Variants in PPP2R1A observed in about 807,000 individuals in gnomAD.
PPP2R1A encodes the protein protein phosphatase 2 scaffold subunit Aalpha.
A neutral mutation model predicts 67.1 loss-of-function variants in PPP2R1A; 15 were observed. The observed-to-expected ratio is 0.22, with a 90% CI of 0.15 to 0.34. The LOEUF is 0.34. Among genes scored for constraint, PPP2R1A ranks in the 10% least tolerant of loss-of-function variants. PPP2R1A has a pLI of 1.00. For synonymous variants in PPP2R1A, 337 were observed against 325.0 expected (o/e 1.04, Z -0.40); for missense variants, 369 against 775.0 (o/e 0.48, Z 6.22).
In PPP2R1A at chr19:52,221,128, A is replaced by G. The variant is rs754810094; in HGVS notation, c.1513A>G (p.Ile505Val). The G allele has an allele frequency of 3.7e-6, 6 of 1,614,072 alleles. No homozygotes were observed. The Admixed American group carries it at 8.3e-5, about 22-fold the overall frequency. ...YLHRMTTLFC[I>V]NVLSEVCGQD... ...GCACCGCATGACTACGCTCTTCTGC[A>G]TCAATGTGAGCCTTCCACCTGCCTG... The change falls in exon 12 of 15, where the codon ATC becomes GTC. Residue 505 changes from isoleucine (I) to valine (V), a missense_variant. Around this residue, in one of 2 missense-constraint regions of PPP2R1A, gnomAD observed 276 missense variants for 508.4 expected, o/e 0.54. Coordinates refer to ENST00000322088, the MANE Select transcript of PPP2R1A (RefSeq NM_014225.6).
chr19:52,192,881 C>T (rs1204521315), intron 1 of PPP2R1A, among the ~76,000 whole-genome samples: 1 of 152,176 alleles, frequency 6.6e-6, no homozygotes, highest in Non-Finnish European at 1.5e-5. Flanking sequence ...GCGAGGTGTT[C>T]ATCTGTCTGG....
intron 1 of PPP2R1A, among the ~76,000 whole-genome samples, chr19:52,192,594 G>A (rs1343662757): frequency 6.6e-6 from 1 of 152,094 alleles, no homozygotes; most frequent in Admixed American, 6.6e-5. Context: ...AATTACAGGC[G>A]TGAGCCACTA....
intron 1 of PPP2R1A, chr19:52,190,969 C>G (rs2089448929): frequency 6.6e-6 from 1 of 152,264 alleles, no homozygotes; most frequent in African/African-American, 2.4e-5. Context: ...AAACCATCCT[C>G]GCCCCTCAGC....
At chr19:52,222,695 G>A (rs1269992821) in intron 13 of PPP2R1A, among the ~76,000 whole-genome samples, 3 of 152,222 alleles carry the variant, frequency 2.0e-5, no homozygotes, top group Non-Finnish European at 4.4e-5. Flanking sequence ...GGCCAACATG[G>A]CGAAACCCCG....
chr19:52,225,910 T>C (rs1979230420), intron 14 of PPP2R1A, 55 bp from the exon 15 acceptor site: 2 of 1,614,044 alleles, frequency 1.2e-6, no homozygotes, highest in Middle Eastern at 1.7e-4. Context: ...TACCTTGGCA[T>C]TGTGGGCAGA....
chr19:52,195,110 A>G (rs2089486366), intron 1 of PPP2R1A, among the ~76,000 whole-genome samples: 1 of 152,182 alleles, frequency 6.6e-6, no homozygotes, highest in African/African-American at 2.4e-5. Flanking sequence ...ATTATACCAT[A>G]TACATTCATA....
rs1375930516 is a variant in PPP2R1A, at chr19:52,227,591, C to T, written c.*1610C>T. ...GAAATGATGCTTGAGCACATTTTGA[C>T]CCAGGTGGTGGAAGGGAAATGTGGC... is the stretch of plus-strand genomic sequence containing the variant. On this transcript the variant is annotated 3_prime_UTR_variant, in exon 15 of 15. Transcript: ENST00000322088. The T allele has an allele frequency of 1.3e-5, 2 of 152,158 alleles. No homozygotes were observed. The highest frequency in any genetic ancestry group is 2.9e-5 in the Non-Finnish European group (2 of 68,054). 9.4% of individuals were successfully genotyped at this position (152,158 alleles called of 1,614,324 possible).
chr19:52,222,384 A>G, intron 13 of PPP2R1A, 143 bp downstream of exon 13: 1 of 1,262,756 alleles, frequency 7.9e-7, no homozygotes, highest in Non-Finnish European at 1.1e-6. Flanking sequence ...TCCCTTCTCA[A>G]GGTGTGTTTT....
At chr19:52,206,505 C>T (rs111358927) in intron 3 of PPP2R1A, among the ~76,000 whole-genome samples, 4,606 of 152,254 alleles carry the variant, frequency 0.03, 73 homozygotes, top group Admixed American at 0.037. Flanking sequence ...ATGTTAACTG[C>T]AATTGTCATT....
chr19:52,198,321 A>T (rs2089515008), intron 1 of PPP2R1A, among the ~76,000 whole-genome samples: 1 of 152,150 alleles, frequency 6.6e-6, no homozygotes, highest in Non-Finnish European at 1.5e-5. Context: ...TTTTAATGAA[A>T]CCAAAAGCAG....
chr19:52,190,263 G>C, intron 1 of PPP2R1A, 89 bp downstream of exon 1: 3 of 1,448,860 alleles, frequency 2.1e-6, no homozygotes, highest in East Asian at 5.0e-5. Flanking sequence ...GCGTTCGCTG[G>C]GAGTGGCGGA....
intron 13 of PPP2R1A, among the ~76,000 whole-genome samples, chr19:52,223,105 T>A (rs755388949): frequency 6.6e-6 from 1 of 152,164 alleles, no homozygotes; most frequent in Non-Finnish European, 1.5e-5. Flanking sequence ...TAGAATGGAA[T>A]CAAGGGTACA....
chr19:52,201,147 A>G (rs949932789), intron 1 of PPP2R1A: 7 of 150,322 alleles, frequency 4.7e-5, no homozygotes, highest in Non-Finnish European at 8.9e-5. Context: ...TCCGTTTAGG[A>G]TGATATTATC....
At position 52,213,672 on chromosome 19, in the gene PPP2R1A, G is replaced by A. The variant is rs1396810246; in HGVS notation, c.807+562G>A. On this transcript the variant is annotated intron_variant, in intron 6 of 14. Coordinates refer to ENST00000322088, the MANE Select transcript of PPP2R1A (RefSeq NM_014225.6). The surrounding 1 kb of genome is among the most constrained non-coding windows in gnomAD (Gnocchi z 4.2). ...TAGTTTTTGTATTTTTATTAGAGAC[G>A]GGGTTTCACCATGTTGTTAGCCAGG... is the stretch of plus-strand genomic sequence containing the variant. Among the ~76,000 whole-genome samples the A allele has an allele frequency of 6.6e-6, 1 of 151,552 alleles. No individual in the cohort carries two copies. Among genetic ancestry groups the A allele is most frequent in the African/African-American group, 2.4e-5 (1 of 41,246 alleles).
At chr19:52,190,935 G>A (rs541959330) in intron 1 of PPP2R1A, 1 of 152,306 alleles carries the variant, frequency 6.6e-6, no homozygotes, top group Non-Finnish European at 1.5e-5. Flanking sequence ...TCTCGGCTCA[G>A]TGCAACCTCT....
intron 2 of PPP2R1A, among the ~76,000 whole-genome samples, chr19:52,204,108 CTG>C (rs757052835): frequency 3.2e-4 from 48 of 152,238 alleles, no homozygotes; most frequent in Admixed American, 5.9e-4. Context: ...ATGTGGAACT[CTG>C]TGGGAAGAGC....
chr19:52,217,823 G>A lies in PPP2R1A; in HGVS notation c.1128+1160G>A, dbSNP rs778569325. Among the ~76,000 whole-genome samples, 23 of 152,102 alleles carry A rather than the reference G, an allele frequency of 1.5e-4. 1 individual carries two copies. Among genetic ancestry groups the A allele is most frequent in the Admixed American group, 1.3e-3 (20 of 15,264 alleles). On this transcript the variant is annotated intron_variant, in intron 9 of 14. Coordinates refer to ENST00000322088, the MANE Select transcript of PPP2R1A (RefSeq NM_014225.6). ...ATTACAAAGGATGAGAGGCGGTGCT[G>A]GGTGATGACTGGAGAGATCATCAGG...
chr19:52,198,329 C>T (rs2122290381), intron 1 of PPP2R1A, among the ~76,000 whole-genome samples: 1 of 152,260 alleles, frequency 6.6e-6, no homozygotes, highest in Non-Finnish European at 1.5e-5. Context: ...AAACCAAAAG[C>T]AGAATCCCAA....
At chr19:52,200,108 C>T (rs2089533094) in intron 1 of PPP2R1A, among the ~76,000 whole-genome samples, 1 of 152,214 alleles carries the variant, frequency 6.6e-6, no homozygotes, top group African/African-American at 2.4e-5. Context: ...GGCCTCAGAA[C>T]AGAACAGGCT....
Sources: allele counts gnomAD v4.1 joint callset (sites outside exome capture counted in the v4.1 genomes callset), GRCh38; gene constraint gnomAD v4.1.1; regional missense constraint gnomAD v4.1.1; non-coding constraint Gnocchi (gnomAD v3.1); transcripts MANE v1.5; gene names NCBI Gene and HGNC (gene_info 2026-07-23, HGNC 2026-07-21).